The following SRGAP1 variants were observed in gnomAD, a reference collection of about 807,000 sequenced individuals.
SRGAP1 encodes the protein SLIT-ROBO Rho GTPase activating protein 1, also known as SLIT-ROBO Rho GTPase-activating protein 1.
SRGAP1 carries 43 observed loss-of-function variants against 121.9 expected under a neutral mutation model. That is an observed-to-expected ratio of 0.35 (90% CI 0.28 to 0.46). The LOEUF is 0.46. Ranked by LOEUF, SRGAP1 falls within the 20% of genes least tolerant of loss-of-function variation. The pLI is 1.00. For missense variants in SRGAP1, 1,102 were observed against 1,350.9 expected, an observed-to-expected ratio of 0.82 and a Z score of 2.89; for synonymous variants, 447 against 485.4, an observed-to-expected ratio of 0.92 and a Z score of 1.04.
intron 1 of SRGAP1, among the ~76,000 whole-genome samples, chr12:63,882,531 G>T (rs1420587059): frequency 2.0e-5 from 3 of 151,954 alleles, no homozygotes; most frequent in Admixed American, 1.3e-4. Flanking sequence ...TTATCCACCC[G>T]CCTCGGCCTC....
At chr12:63,933,319 T>C (rs575407494) in intron 1 of SRGAP1, among the ~76,000 whole-genome samples, 1 of 152,184 alleles carries the variant, frequency 6.6e-6, no homozygotes, top group East Asian at 1.9e-4. Flanking sequence ...GGAAGAGGGG[T>C]TCATTCTTTG....
intron 15 of SRGAP1, among the ~76,000 whole-genome samples, chr12:64,105,304 C>G (rs942512535): frequency 6.6e-6 from 1 of 152,148 alleles, no homozygotes; most frequent in Non-Finnish European, 1.5e-5. Context: ...TTTATCCACT[C>G]ATCTGTCGAT....
chr12:64,147,206 C>G lies in SRGAP1; in HGVS notation c.*4534C>G. 3.1e-6 allele frequency: 1 copy of G among 319,478 alleles called. No individual in the cohort carries two copies. The highest frequency in any genetic ancestry group is 2.1e-5 in the African/African-American group (1 of 47,102). The allele number at this position is 319,478 out of a possible 1,614,324, so 19.8% of individuals were successfully genotyped here. ...TTAAATCAGTATTGTCCTTTCCTGTCGGTTTGATCAATTGCGGTACCGGTA... is the reference window on the plus strand; with the variant it reads ...TTAAATCAGTATTGTCCTTTCCTGTGGGTTTGATCAATTGCGGTACCGGTA... On this transcript the variant is annotated 3_prime_UTR_variant, in exon 22 of 22. Coordinates refer to ENST00000355086, the MANE Select transcript of SRGAP1 (RefSeq NM_020762.4).
chr12:63,979,412 TCCTTATCAGA>T (rs1249050727), intron 1 of SRGAP1, among the ~76,000 whole-genome samples: 1 of 152,154 alleles, frequency 6.6e-6, no homozygotes, highest in East Asian at 1.9e-4. Context: ...GTATACAAGT[TCCTTATCAGA>T]CATATGATTT....
chr12:63,997,130 T>C (rs2033735466), intron 3 of SRGAP1, among the ~76,000 whole-genome samples: 1 of 152,094 alleles, frequency 6.6e-6, no homozygotes. Context: ...AACACAATGG[T>C]AAGTATTTGA....
chr12:63,949,625 C>T (rs1280153483), intron 1 of SRGAP1, among the ~76,000 whole-genome samples: 3 of 151,826 alleles, frequency 2.0e-5, no homozygotes, highest in African/African-American at 7.3e-5. Context: ...GACGGTGTTT[C>T]ACCGTTTTAG....
At chr12:64,097,442 CA>C in intron 15 of SRGAP1, 67 bp downstream of exon 15, 1 of 1,552,320 alleles carries the variant, frequency 6.4e-7, no homozygotes, top group Non-Finnish European at 8.8e-7. Context: ...CTGGAAAAGG[CA>C]GTGGCCCCCC....
intron 17 of SRGAP1, among the ~76,000 whole-genome samples, chr12:64,114,130 A>T (rs888461217): frequency 6.6e-6 from 1 of 152,184 alleles, no homozygotes; most frequent in Admixed American, 6.5e-5. Flanking sequence ...AAACATACCT[A>T]GATTCCAGTT....
chr12:64,014,794 T>G (rs376992846), intron 3 of SRGAP1, among the ~76,000 whole-genome samples: 1 of 152,108 alleles, frequency 6.6e-6, no homozygotes, highest in Non-Finnish European at 1.5e-5. Flanking sequence ...TGTTCTGAAG[T>G]CTTAGCCAAG....
chr12:63,884,219 G>T (rs2136289415), intron 1 of SRGAP1, among the ~76,000 whole-genome samples: 1 of 152,118 alleles, frequency 6.6e-6, no homozygotes, highest in East Asian at 2.0e-4. Context: ...GGAGGCAGAG[G>T]TTGTAGTGAG....
At chr12:63,974,300 T>C (rs2033035650) in intron 1 of SRGAP1, among the ~76,000 whole-genome samples, 1 of 152,170 alleles carries the variant, frequency 6.6e-6, no homozygotes, top group Non-Finnish European at 1.5e-5. Flanking sequence ...CAAAATATAA[T>C]ATTTGGCTTT....
intron 1 of SRGAP1, among the ~76,000 whole-genome samples, chr12:63,869,589 A>G (rs1222858760): frequency 6.6e-6 from 1 of 152,018 alleles, no homozygotes; most frequent in Non-Finnish European, 1.5e-5. Flanking sequence ...CCATAACTTA[A>G]CTCTGATTTT....
intron 1 of SRGAP1, among the ~76,000 whole-genome samples, chr12:63,891,520 A>C (rs975561699): frequency 6.6e-6 from 1 of 152,196 alleles, no homozygotes; most frequent in African/African-American, 2.4e-5. Context: ...GGAGGGGATT[A>C]CTTAGGATCT....
At chr12:63,967,484 C>T (rs1439555314) in intron 1 of SRGAP1, among the ~76,000 whole-genome samples, 1 of 152,166 alleles carries the variant, frequency 6.6e-6, no homozygotes. Context: ...TAGCATGAGT[C>T]ATATTGTTGG....
intron 1 of SRGAP1, among the ~76,000 whole-genome samples, chr12:63,969,720 G>T (rs1352732589): frequency 6.6e-6 from 1 of 151,952 alleles, no homozygotes; most frequent in African/African-American, 2.4e-5. Flanking sequence ...CGTGAACCCG[G>T]GAGGCAGAGC....
intron 1 of SRGAP1, among the ~76,000 whole-genome samples, chr12:63,917,579 A>G (rs1028597250): frequency 6.6e-5 from 10 of 151,810 alleles, no homozygotes; most frequent in Non-Finnish European, 1.5e-4. Context: ...GGGTTTTACT[A>G]CTATAAAATA....
At chr12:63,996,221 C>T (rs2033700654) in intron 3 of SRGAP1, among the ~76,000 whole-genome samples, 1 of 151,854 alleles carries the variant, frequency 6.6e-6, no homozygotes, top group Non-Finnish European at 1.5e-5. Flanking sequence ...TATCTTTTCA[C>T]TATTTATATG....
intron 1 of SRGAP1, among the ~76,000 whole-genome samples, chr12:63,948,856 A>G (rs1249944947): frequency 7.9e-6 from 1 of 126,222 alleles, no homozygotes; most frequent in Non-Finnish European, 1.7e-5. Context: ...TATTTTCCAT[A>G]TATATATATT....
At chr12:64,115,729 C>G in intron 17 of SRGAP1, 85 bp from the exon 18 acceptor site, 2 of 1,012,986 alleles carry the variant, frequency 2.0e-6, no homozygotes, top group East Asian at 5.4e-5. Context: ...CCACTGCACT[C>G]CAGCCTAGGC....
Sources: allele counts gnomAD v4.1 joint callset (sites outside exome capture counted in the v4.1 genomes callset), GRCh38; gene constraint gnomAD v4.1.1; transcripts MANE v1.5; gene names NCBI Gene and HGNC (gene_info 2026-07-23, HGNC 2026-07-21).